The following RASAL3 variants were observed in gnomAD, a reference collection of about 807,000 sequenced individuals.
RASAL3 encodes RAS protein activator like-3.
Under a neutral mutation model 105.5 loss-of-function variants are expected in RASAL3, and 74 were observed. That is an observed-to-expected ratio of 0.70 (90% CI 0.58 to 0.85). The LOEUF (loss-of-function observed/expected upper bound fraction) is 0.85. RASAL3 is among the 40% of genes least tolerant of loss of function. The probability of loss-of-function intolerance (pLI) is 0.00; values close to 1 mark genes in which losing one functional copy is unlikely to be tolerated. For synonymous variants in RASAL3, 579 were observed against 591.6 expected, an observed-to-expected ratio of 0.98 and a Z score of 0.31; for missense variants, 1,352 against 1,392.0, an observed-to-expected ratio of 0.97 and a Z score of 0.46.
rs766466907 is a variant in RASAL3 at position 15,453,447 on chromosome 19, T to C, written c.2330A>G (p.Lys777Arg). Residue 777 changes from lysine to arginine, a missense_variant, in exon 15 of 18, where the codon AAG (lysine) becomes AGG (arginine). By Grantham distance (26) the Lys-to-Arg change is conservative. Transcript: ENST00000343625. The surrounding 1 kb of genome is among the most constrained non-coding windows in gnomAD (Gnocchi z 4.2). ...GCTCTTGGAGATGAGAGGGGTGTGCTTGGGGAGGTCCCGGGGGGCCAGGAA... is the reference window on the plus strand; with the variant it reads ...GCTCTTGGAGATGAGAGGGGTGTGCCTGGGGAGGTCCCGGGGGGCCAGGAA... ...PGFLAPRDLP[K>R]HTPLISKSQS... The C allele has an allele frequency of 7.1e-6, 11 of 1,542,630 alleles. No individual in the cohort carries two copies. The highest frequency in any genetic ancestry group is 8.7e-6 in the Non-Finnish European group (10 of 1,156,032).
rs537915358 is a variant in RASAL3 at position 15,462,691 on chromosome 19, G to A, written c.329-1084C>T. On this transcript the variant is annotated intron_variant, in intron 2 of 17. Transcript: ENST00000343625. ...CCTGGGGCCGGGCGCGGTGGCTCACGCCTGTAATCCCAGCACTTTGGGAGG... is the reference window on the plus strand; with the variant it reads ...CCTGGGGCCGGGCGCGGTGGCTCACACCTGTAATCCCAGCACTTTGGGAGG... 1.2e-4 allele frequency among the ~76,000 whole-genome samples: 18 copies of A among 151,902 alleles called. 1 individual carries two copies. In the South Asian group the frequency reaches 2.5e-3, roughly 21 times the overall value.
rs760675007 is a variant in RASAL3, at chr19:15,453,440, G to T, written c.2337C>A (p.Thr779=). The stretch of plus-strand genomic sequence containing the variant: ...GAGACTGGCTCTTGGAGATGAGAGG[G>T]GTGTGCTTGGGGAGGTCCCGGGGGG... ...FLAPRDLPKH[T]PLISKSQSLR... The change falls in exon 15 of 18, where the codon ACC becomes ACA. Residue 779 remains threonine (T), a synonymous_variant. Coordinates refer to ENST00000343625, the MANE Select transcript of RASAL3 (RefSeq NM_022904.3). The surrounding 1 kb of genome is among the most constrained non-coding windows in gnomAD (Gnocchi z 4.2). The T allele has an allele frequency of 1.9e-5, 30 of 1,540,566 alleles. No individual in the cohort carries two copies. Among genetic ancestry groups the T allele is most frequent in the Middle Eastern group, 2.1e-4 (1 of 4,790 alleles).
rs755196856 is a variant in RASAL3, at chr19:15,456,212, T to C, written c.1613A>G (p.Asp538Gly). The change falls in exon 11 of 18, where the codon GAC (aspartate) becomes GGC (glycine). Residue 538 changes from aspartate (D) to glycine (G), a missense_variant. Physicochemically the swap from Asp to Gly is moderately conservative, Grantham distance 94. Around this residue, in one of 3 missense-constraint regions of RASAL3, gnomAD observed 920 missense variants for 919.6 expected, o/e 1.00. Transcript: ENST00000343625. The surrounding 1 kb of genome is among the most constrained non-coding windows in gnomAD (Gnocchi z 4.4). Reference protein sequence around the residue: ...VVRRLCASTEDCEVDPSKCPA... With the variant: ...VVRRLCASTEGCEVDPSKCPA... The stretch of plus-strand genomic sequence containing the variant: ...ACATTTGCTGGGGTCCACTTCACAG[T>C]CCTCAGTAGAAGCACAGAGACGCCG... 3.1e-6 allele frequency: 5 copies of C among 1,613,740 alleles called. No homozygotes were observed. In the South Asian group the frequency reaches 4.4e-5, roughly 14 times the overall value.
intron 2 of RASAL3, among the ~76,000 whole-genome samples, chr19:15,462,167 A>G (rs1177619951): frequency 6.6e-6 from 1 of 151,996 alleles, no homozygotes; most frequent in Non-Finnish European, 1.5e-5. Context: ...AGCCTGGGCA[A>G]CATAACAAGA....
At chr19:15,459,120 G>T (rs1970428011) in intron 6 of RASAL3, among the ~76,000 whole-genome samples, 1 of 151,802 alleles carries the variant, frequency 6.6e-6, no homozygotes, top group Admixed American at 6.6e-5. Flanking sequence ...TATATTTTTA[G>T]TAGAGGTGGG....
At chr19:15,460,334 A>G (rs1970470886) in intron 5 of RASAL3, 76 bp from the exon 6 acceptor site, 4 of 1,410,370 alleles carry the variant, frequency 2.8e-6, no homozygotes, top group Non-Finnish European at 2.9e-6. Flanking sequence ...GACATCCCAG[A>G]GGATCTACTG....
chr19:15,458,601 G>A lies in RASAL3; in HGVS notation c.717C>T (p.Asp239=). Residue 239 remains aspartate (D), a synonymous_variant, in exon 7 of 18, where the codon GAC becomes GAT. Coordinates refer to ENST00000343625, the MANE Select transcript of RASAL3 (RefSeq NM_022904.3). ...TCCGCACATCCCGCTCGGCACCCAG[G>A]TCCAGTTCAGAGAGTGTGGCCAGCG... ...RESLATLSEL[D]LGAERDVRIW... 1 of 1,613,658 alleles carries A rather than the reference G, an allele frequency of 6.2e-7. No individual in the cohort carries two copies. Among genetic ancestry groups the A allele is most frequent in the East Asian group, 2.2e-5 (1 of 44,868 alleles).
intron 11 of RASAL3, among the ~76,000 whole-genome samples, chr19:15,455,275 C>T (rs1451068985): frequency 7.2e-5 from 11 of 152,120 alleles, no homozygotes; most frequent in African/African-American, 2.4e-5. Context: ...AGGATTGGGG[C>T]TCTGGAGGTC....
intron 2 of RASAL3, among the ~76,000 whole-genome samples, chr19:15,462,761 G>A (rs1296197276): frequency 6.6e-6 from 1 of 152,072 alleles, no homozygotes; most frequent in Non-Finnish European, 1.5e-5. Flanking sequence ...GACCATTCTG[G>A]TTAACACAGT....
In RASAL3 at chr19:15,451,659, T is replaced by G; in HGVS notation, c.*136A>C. The G allele has an allele frequency of 1.1e-6, 1 of 904,948 alleles. No individual in the cohort carries two copies. The highest frequency in any genetic ancestry group is 2.5e-5 in the Admixed American group (1 of 39,712). 56.1% of individuals were successfully genotyped at this position (904,948 alleles called of 1,614,324 possible). A position where few individuals can be genotyped will look rare whatever the true frequency, so the allele number is the denominator to read the frequency against. ...ATCAAGATTTTACTGGGCAACTTCA[T>G]ACTGCCAGAGTGGTTGGGACCAGCA... On this transcript the variant is annotated 3_prime_UTR_variant, in exon 18 of 18. Coordinates refer to ENST00000343625, the MANE Select transcript of RASAL3 (RefSeq NM_022904.3).
At position 15,453,080 on chromosome 19, in the gene RASAL3, C is replaced by T; in HGVS notation, c.2670+27G>A. On this transcript the variant is annotated intron_variant, in intron 15 of 17. Transcript: ENST00000343625. The surrounding 1 kb of genome is among the most constrained non-coding windows in gnomAD (Gnocchi z 4.2). ...CAGTCGCGTCCCTGTTCCCACTCCC[C>T]AGGCGCGGACCTGGGCCTGACCTTA... 6.2e-7 allele frequency: 1 copy of T among 1,612,496 alleles called. No homozygotes were observed.
At chr19:15,458,271 G>C in intron 8 of RASAL3, 57 bp downstream of exon 8, 1 of 1,519,700 alleles carries the variant, frequency 6.6e-7, no homozygotes, top group South Asian at 1.2e-5. Context: ...AGAGTGGAAG[G>C]GGCGGGCCAG....
chr19:15,457,573 C>T lies in RASAL3; in HGVS notation c.1150G>A (p.Ala384Thr). Residue 384 changes from alanine (A) to threonine (T), a missense_variant, in exon 9 of 18, where the codon GCC becomes ACC. By Grantham distance (58) the Ala-to-Thr change is moderately conservative. This residue lies in a region of RASAL3 where 920 missense variants were observed against 919.6 expected (regional missense o/e 1.00). Coordinates refer to ENST00000343625, the MANE Select transcript of RASAL3 (RefSeq NM_022904.3). This position sits in a 1 kb window ranked among gnomAD's most constrained non-coding sequence, Gnocchi z 8.6. ...GCGTCCAGCTCCTCCAGCGCCAGGG[C>T]CACGCGGCCCAGCACCGCGCTTCCC... ...GPGSAVLGRV[A>T]LALEELDAPR... 1 of 1,205,750 alleles carries T rather than the reference C, an allele frequency of 8.3e-7. No homozygotes were observed. The allele number at this position is 1,205,750 out of a possible 1,614,324, so 74.7% of individuals were successfully genotyped here.
At position 15,461,131 on chromosome 19, in the gene RASAL3, G is replaced by C. The variant is rs535918727; in HGVS notation, c.545-10C>G. 1 of 1,613,834 alleles carries C rather than the reference G, an allele frequency of 6.2e-7. No individual in the cohort carries two copies. The highest frequency in any genetic ancestry group is 1.1e-5 in the South Asian group (1 of 91,062). On this transcript the variant is annotated splice_polypyrimidine_tract_variant and intron_variant, in intron 4 of 17. Transcript: ENST00000343625. Reference sequence around the variant, plus strand: ...TTTCCAGGCATCCGATCTGTGGGTCGTTATGGGTGGCAGGTTGGGGGGTTG... The same window carrying C: ...TTTCCAGGCATCCGATCTGTGGGTCCTTATGGGTGGCAGGTTGGGGGGTTG...
rs146624357 is a variant in RASAL3 at position 15,457,447 on chromosome 19, C to A, written c.1276G>T (p.Val426Leu). The change falls in exon 9 of 18, where the codon GTG becomes TTG. Residue 426 changes from valine to leucine, a missense_variant. Around this residue, in one of 3 missense-constraint regions of RASAL3, gnomAD observed 920 missense variants for 919.6 expected, o/e 1.00. Coordinates refer to ENST00000343625, the MANE Select transcript of RASAL3 (RefSeq NM_022904.3). This position sits in a 1 kb window ranked among gnomAD's most constrained non-coding sequence, Gnocchi z 8.6. Reference sequence around the variant, plus strand: ...TCCTTGTAGCGCTCGGACGGCAGCACGCGCAGGCGACGCGCCCGAATCCGC... The same window carrying A: ...TCCTTGTAGCGCTCGGACGGCAGCAAGCGCAGGCGACGCGCCCGAATCCGC... ...RARIRARRLR[V>L]LPSERYKELA... The A allele has an allele frequency of 5.0e-6, 7 of 1,412,496 alleles. No homozygotes were observed. The South Asian group carries it at 5.3e-5, about 11-fold the overall frequency. 87.5% of individuals were successfully genotyped at this position (1,412,496 alleles called of 1,614,324 possible).
chr19:15,463,623 G>A (rs1198289865), intron 2 of RASAL3, among the ~76,000 whole-genome samples: 1 of 152,136 alleles, frequency 6.6e-6, no homozygotes, highest in Non-Finnish European at 1.5e-5. Flanking sequence ...CTGAACTGAT[G>A]GAGAGGCTGA....
chr19:15,454,403 G>T lies in RASAL3; in HGVS notation c.2118C>A (p.Val706=). The change falls in exon 13 of 18, where the codon GTC becomes GTA. Residue 706 remains valine (V), a synonymous_variant. Coordinates refer to ENST00000343625, the MANE Select transcript of RASAL3 (RefSeq NM_022904.3). ...GSGDLALQLA[V]LHAQLCTIFA... is the part of the protein sequence containing the mutation. The stretch of plus-strand genomic sequence containing the variant: ...AAATTGTACAGAGCTGGGCATGCAG[G>T]ACAGCTAACTGGAGGGCCAGATCAC... 1.2e-6 allele frequency: 2 copies of T among 1,613,876 alleles called. No individual in the cohort carries two copies. The highest frequency in any genetic ancestry group is 1.7e-6 in the Non-Finnish European group (2 of 1,179,828).
Position 15,454,165 on chromosome 19 carries a change from C to A in RASAL3, c.2263G>T (p.Ala755Ser). ...TGAGGTTACCTGGAGTGGACCTGGG[C>A]CGGGGGCAGTGGGAGACGCATTGGC... Reference protein sequence around the residue: ...SVPMRLPLPPAQVHSSLSAGE... With the variant: ...SVPMRLPLPPSQVHSSLSAGE... Residue 755 changes from alanine to serine, a missense_variant, in exon 14 of 18, where the codon GCC becomes TCC. Transcript: ENST00000343625. The A allele has an allele frequency of 6.4e-7, 1 of 1,563,394 alleles. No homozygotes were observed. Among genetic ancestry groups the A allele is most frequent in the Non-Finnish European group, 8.7e-7 (1 of 1,153,538 alleles).
chr19:15,451,941 G>A lies in RASAL3; in HGVS notation c.2893-3C>T. 6.2e-7 allele frequency: 1 copy of A among 1,610,802 alleles called. No individual in the cohort carries two copies. ...TCCATCTCATTTAGGCGGTGCTCCT[G>A]GGGAGGCAGTGGTGATGGGGTTCAG... On this transcript the variant is annotated splice_region_variant and splice_polypyrimidine_tract_variant and intron_variant, in intron 17 of 17. Transcript: ENST00000343625.
Sources: allele counts gnomAD v4.1 joint callset (sites outside exome capture counted in the v4.1 genomes callset), GRCh38; gene constraint gnomAD v4.1.1; regional missense constraint gnomAD v4.1.1; non-coding constraint Gnocchi (gnomAD v3.1); transcripts MANE v1.5; gene names NCBI Gene and HGNC (gene_info 2026-07-23, HGNC 2026-07-21).